Variants in TNKS observed in about 807,000 individuals in gnomAD.
TNKS encodes poly [ADP-ribose] polymerase tankyrase-1.
Under a neutral mutation model 135.8 loss-of-function variants are expected in TNKS, and 72 were observed. The observed-to-expected ratio is 0.53, with a 90% CI of 0.44 to 0.64. The LOEUF is 0.64. Ranked by LOEUF, TNKS falls within the 30% of genes least tolerant of loss-of-function variation. The pLI is 0.00. For missense variants in TNKS, 1,769 were observed against 1,674.0 expected, an observed-to-expected ratio of 1.06 and a Z score of -0.99; for synonymous variants, 849 against 649.3, an observed-to-expected ratio of 1.31 and a Z score of -4.68.
intron 20 of TNKS, among the ~76,000 whole-genome samples, chr8:9,759,792 G>A (rs1807044603): frequency 6.6e-6 from 1 of 152,018 alleles, no homozygotes; most frequent in Non-Finnish European, 1.5e-5. Flanking sequence ...GGCTAACACG[G>A]TGAAACCCCA....
intron 3 of TNKS, among the ~76,000 whole-genome samples, chr8:9,665,449 T>A (rs1034221827): frequency 1.3e-5 from 2 of 152,248 alleles, no homozygotes; most frequent in African/African-American, 2.4e-5. Context: ...GTATTTCCAC[T>A]TCTTTTAAGT....
rs148957874 is a variant in TNKS at position 9,556,272 on chromosome 8, A to T, written c.333A>T (p.Ser111=). ...AAPVVPAVST[S]SAAGVAPNPA... is the part of the protein sequence containing the mutation. Reference sequence around the variant, plus strand: ...CCGTGGTCCCAGCGGTTTCTACTTCATCTGCCGCTGGGGTCGCTCCCAACC... The same window carrying T: ...CCGTGGTCCCAGCGGTTTCTACTTCTTCTGCCGCTGGGGTCGCTCCCAACC... The change falls in exon 1 of 27, where the codon TCA becomes TCT. Residue 111 remains serine, a synonymous_variant. Transcript: ENST00000310430. The T allele has an allele frequency of 5.1e-5, 83 of 1,614,082 alleles. No homozygotes were observed. The highest frequency in any genetic ancestry group is 4.9e-4 in the Middle Eastern group (3 of 6,084).
chr8:9,644,488 T>G (rs539319565), intron 3 of TNKS, among the ~76,000 whole-genome samples: 1 of 152,326 alleles, frequency 6.6e-6, no homozygotes, highest in African/African-American at 2.4e-5. Context: ...GTCAAATATC[T>G]GAAAGAGAAA....
intron 5 of TNKS, among the ~76,000 whole-genome samples, chr8:9,692,232 T>G (rs1803308301): frequency 6.6e-6 from 1 of 152,188 alleles, no homozygotes. Context: ...GTGCCTGTTT[T>G]CCCATCGTTG....
intron 5 of TNKS, among the ~76,000 whole-genome samples, chr8:9,701,886 A>G (rs1448027474): frequency 3.3e-5 from 5 of 152,214 alleles, no homozygotes; most frequent in African/African-American, 1.2e-4. Flanking sequence ...GTACTGAGTA[A>G]CACATGGGTG....
At position 9,779,330 on chromosome 8, in the gene TNKS, A is replaced by AT. The variant is rs1447658952; in HGVS notation, c.*2600dup. The AT allele has an allele frequency of 3.3e-5, 5 of 152,532 alleles. No homozygotes were observed. Among genetic ancestry groups the AT allele is most frequent in the Non-Finnish European group, 7.4e-5 (5 of 68,012 alleles). 9.4% of individuals were successfully genotyped at this position (152,532 alleles called of 1,614,324 possible). A position where few individuals can be genotyped will look rare whatever the true frequency, so the allele number is the denominator to read the frequency against. On this transcript the variant is annotated 3_prime_UTR_variant, in exon 27 of 27. Transcript: ENST00000310430. ...GCATTAAATTAGGCTGAAGTCTTTT[A>AT]TTTTTTGTATATGTACTATATAGAA...
intron 5 of TNKS, among the ~76,000 whole-genome samples, chr8:9,690,408 T>C (rs1192146057): frequency 6.6e-6 from 1 of 152,234 alleles, no homozygotes; most frequent in Non-Finnish European, 1.5e-5. Context: ...TTCCCTTCTC[T>C]TTCTCTTCTT....
intron 2 of TNKS, among the ~76,000 whole-genome samples, chr8:9,590,619 T>C (rs1055191846): frequency 6.6e-6 from 1 of 152,214 alleles, no homozygotes; most frequent in Admixed American, 6.5e-5. Context: ...AAATGCCTAC[T>C]CTGTGCCAGA....
intron 3 of TNKS, among the ~76,000 whole-genome samples, chr8:9,626,652 C>T (rs932644325): frequency 7.2e-5 from 11 of 152,160 alleles, no homozygotes; most frequent in African/African-American, 2.4e-4. Flanking sequence ...TTGACGCACT[C>T]ATGCAGGAGA....
intron 2 of TNKS, among the ~76,000 whole-genome samples, chr8:9,598,627 C>G (rs1425335258): frequency 6.7e-6 from 1 of 150,272 alleles, no homozygotes; most frequent in African/African-American, 2.4e-5. Context: ...GCCAGTGATG[C>G]GGAGGTTGCA....
intron 1 of TNKS, chr8:9,566,315 A>C (rs561014182): frequency 3.3e-4 from 50 of 152,316 alleles, no homozygotes; most frequent in African/African-American, 1.2e-3. Flanking sequence ...TGAAACTTTG[A>C]GCAAGCTATC....
chr8:9,770,124 A>G lies in TNKS; in HGVS notation c.3759A>G (p.Arg1253=), dbSNP rs767603984. ...YICHRQMLFC[R]VTLGKSFLQF... Reference sequence around the variant, plus strand: ...TCCTTAGACAAATGCTCTTCTGTAGAGTGACCCTTGGGAAATCCTTTCTGC... The same window carrying G: ...TCCTTAGACAAATGCTCTTCTGTAGGGTGACCCTTGGGAAATCCTTTCTGC... Residue 1253 remains arginine (R), a synonymous_variant, in exon 26 of 27, where the codon AGA becomes AGG. Coordinates refer to ENST00000310430, the MANE Select transcript of TNKS (RefSeq NM_003747.3). The G allele has an allele frequency of 2.5e-6, 4 of 1,612,936 alleles. No homozygotes were observed. The highest frequency in any genetic ancestry group is 8.5e-7 in the Non-Finnish European group (1 of 1,179,774).
chr8:9,598,765 G>GTGTATATA (rs1449352201), intron 2 of TNKS, among the ~76,000 whole-genome samples: 27 of 49,602 alleles, frequency 5.4e-4, no homozygotes, highest in Non-Finnish European at 7.6e-4. Context: ...ATGTGTGTGT[G>GTGTATATA]TATATATATA....
At chr8:9,571,614 C>G (rs1024123820) in intron 1 of TNKS, among the ~76,000 whole-genome samples, 1 of 152,118 alleles carries the variant, frequency 6.6e-6, no homozygotes, top group African/African-American at 2.4e-5. Flanking sequence ...CCCACCACCA[C>G]GCCTGGCTAT....
intron 5 of TNKS, among the ~76,000 whole-genome samples, chr8:9,687,535 T>G (rs1803061760): frequency 6.6e-6 from 1 of 152,256 alleles, no homozygotes; most frequent in Non-Finnish European, 1.5e-5. Context: ...CTCTATTTTG[T>G]CAAGCATGAC....
At chr8:9,567,952 G>A (rs971967847) in intron 1 of TNKS, among the ~76,000 whole-genome samples, 5 of 152,092 alleles carry the variant, frequency 3.3e-5, no homozygotes, top group Admixed American at 3.3e-4. Context: ...TGAAAAAAAA[G>A]GGGGGTATCA....
chr8:9,636,724 G>T (rs190337306), intron 3 of TNKS, among the ~76,000 whole-genome samples: 2 of 152,298 alleles, frequency 1.3e-5, no homozygotes, highest in African/African-American at 2.4e-5. Context: ...AATAGATTCA[G>T]TGTTCCTAAT....
intron 13 of TNKS, among the ~76,000 whole-genome samples, chr8:9,726,940 A>G (rs10464998): frequency 0.7 from 106,632 of 152,046 alleles, 37,938 homozygotes; most frequent in Admixed American, 0.8. Flanking sequence ...ATAGGTAGAT[A>G]GACAGATGGA....
Position 9,776,820 on chromosome 8 carries a change from T to C in TNKS, c.*84T>C, listed in dbSNP as rs1808247319. On this transcript the variant is annotated 3_prime_UTR_variant, in exon 27 of 27. Coordinates refer to ENST00000310430, the MANE Select transcript of TNKS (RefSeq NM_003747.3). ...TTGTTTCTAATAACAACATCAATATTCTAGAAGTCCCTGACAGCCTAGAAA... is the reference window on the plus strand; with the variant it reads ...TTGTTTCTAATAACAACATCAATATCCTAGAAGTCCCTGACAGCCTAGAAA... 7.5e-7 allele frequency: 1 copy of C among 1,331,660 alleles called. No individual in the cohort carries two copies. The highest frequency in any genetic ancestry group is 1.2e-5 in the South Asian group (1 of 82,738). 82.5% of individuals were successfully genotyped at this position (1,331,660 alleles called of 1,614,324 possible). A position where few individuals can be genotyped will look rare whatever the true frequency, so the allele number is the denominator to read the frequency against.
Sources: gnomAD v4.1 joint callset for allele counts (sites outside exome capture counted in the v4.1 genomes callset) on GRCh38, gnomAD v4.1.1 for gene constraint, MANE v1.5 for transcripts, NCBI Gene and HGNC (gene_info 2026-07-23, HGNC 2026-07-21) for gene names.